Variants in MALRD1 observed in about 807,000 individuals in gnomAD.
The protein encoded by MALRD1 is MAM and LDL-receptor class A domain-containing protein 1.
Under a neutral mutation model 242.1 loss-of-function variants are expected in MALRD1, and 247 were observed. The observed-to-expected ratio is 1.02, with a 90% CI of 0.92 to 1.13. The LOEUF (loss-of-function observed/expected upper bound fraction) is 1.13, where lower values mean the gene tolerates loss of function less well. MALRD1 is among the 50% of genes most tolerant of loss of function. The pLI is 0.00. For synonymous variants in MALRD1, 995 were observed against 866.6 expected, an observed-to-expected ratio of 1.15 and a Z score of -2.60; for missense variants, 2,989 against 2,533.1, an observed-to-expected ratio of 1.18 and a Z score of -3.86.
At chr10:19,699,764 G>C (rs1833538829) in intron 38 of MALRD1, among the ~76,000 whole-genome samples, 1 of 151,948 alleles carries the variant, frequency 6.6e-6, no homozygotes. Flanking sequence ...GAGCAGGAGA[G>C]AGAGAGTAGG....
At chr10:19,616,158 A>G (rs1460937685) in intron 36 of MALRD1, among the ~76,000 whole-genome samples, 1 of 151,998 alleles carries the variant, frequency 6.6e-6, no homozygotes, top group East Asian at 1.9e-4. Flanking sequence ...TTATATGTGT[A>G]ATATATAATT....
intron 29 of MALRD1, among the ~76,000 whole-genome samples, chr10:19,476,778 A>G (rs958941944): frequency 3.9e-5 from 6 of 152,162 alleles, no homozygotes; most frequent in Non-Finnish European, 8.8e-5. Flanking sequence ...CACTCTAATT[A>G]TGTTTTTTAT....
In MALRD1 at chr10:19,512,582, T is replaced by C. The variant is rs897011848; in HGVS notation, c.5320+13936T>C. 1.3e-5 allele frequency among the ~76,000 whole-genome samples: 2 copies of C among 152,202 alleles called. 1 individual carries two copies. Among genetic ancestry groups the C allele is most frequent in the South Asian group, 4.1e-4 (2 of 4,830 alleles). On this transcript the variant is annotated intron_variant, in intron 31 of 39. Transcript: ENST00000454679. ...TATAATAACCTCTTAGTTACTGTCA[T>C]AGCATTGGCTTTCCTATACAGGAAA... is the stretch of plus-strand genomic sequence containing the variant.
intron 24 of MALRD1, among the ~76,000 whole-genome samples, chr10:19,340,015 C>T (rs1484105181): frequency 3.3e-5 from 5 of 152,070 alleles, no homozygotes; most frequent in South Asian, 2.1e-4. Context: ...CCTGAGAACT[C>T]ACTCACTGTC....
intron 21 of MALRD1, among the ~76,000 whole-genome samples, chr10:19,314,996 G>GTT: frequency 7.0e-6 from 1 of 142,524 alleles, no homozygotes; most frequent in Non-Finnish European, 1.5e-5. Context: ...TGTGTGCTTA[G>GTT]TAAATTTATA....
chr10:19,119,616 A>C (rs936771544), intron 5 of MALRD1, among the ~76,000 whole-genome samples: 11 of 152,160 alleles, frequency 7.2e-5, no homozygotes, highest in South Asian at 2.1e-4. Context: ...TTGATCCATC[A>C]AGTGCCGGTT....
At position 19,238,456 on chromosome 10, in the gene MALRD1, A is replaced by T. The variant is rs868278373; in HGVS notation, c.2992-19228A>T. Among the ~76,000 whole-genome samples the T allele has an allele frequency of 6.6e-3, 276 of 42,120 alleles. 3 individuals carry two copies. Among genetic ancestry groups the T allele is most frequent in the African/African-American group, 7.3e-3 (45 of 6,150 alleles). 27.6% of individuals were successfully genotyped at this position (42,120 alleles called of 152,430 possible). On this transcript the variant is annotated intron_variant, in intron 18 of 39. Coordinates refer to ENST00000454679, the MANE Select transcript of MALRD1 (RefSeq NM_001142308.3). ...ATAATATATAATATACATTATATAT[A>T]ATATATAATATAATATATAATATAC...
At chr10:19,279,378 A>G (rs1336563172) in intron 19 of MALRD1, among the ~76,000 whole-genome samples, 1 of 152,184 alleles carries the variant, frequency 6.6e-6, no homozygotes, top group Non-Finnish European at 1.5e-5. Context: ...TCCATGTTCA[A>G]TTTAGTTCAG....
intron 36 of MALRD1, among the ~76,000 whole-genome samples, chr10:19,660,927 A>G (rs1348285493): frequency 2.6e-5 from 4 of 152,128 alleles, no homozygotes; most frequent in Non-Finnish European, 5.9e-5. Context: ...TTCCTAACAC[A>G]CTTAAGAATT....
chr10:19,218,532 G>A (rs1837426006), intron 18 of MALRD1, among the ~76,000 whole-genome samples: 1 of 152,034 alleles, frequency 6.6e-6, no homozygotes, highest in African/African-American at 2.4e-5. Flanking sequence ...AAACATGGTG[G>A]TTTTCATTTC....
intron 2 of MALRD1, among the ~76,000 whole-genome samples, chr10:19,076,901 A>T (rs1027679425): frequency 6.6e-6 from 1 of 151,930 alleles, no homozygotes; most frequent in Non-Finnish European, 1.5e-5. Context: ...TCATCTGAAC[A>T]ATATTAAGTT....
chr10:19,351,982 T>C, intron 25 of MALRD1, 24 bp from the exon 26 acceptor site: 1 of 1,499,140 alleles, frequency 6.7e-7, no homozygotes, highest in Non-Finnish European at 9.1e-7. Flanking sequence ...ATATCGTATG[T>C]AATATTCCTA....
intron 29 of MALRD1, among the ~76,000 whole-genome samples, chr10:19,454,431 T>TATATATATATATATATATAAATAA (rs1011890675): frequency 7.3e-6 from 1 of 136,712 alleles, no homozygotes; most frequent in Non-Finnish European, 1.6e-5. Flanking sequence ...TATATATATA[T>TATATATATATATATATATAAATAA]AATTATATGA....
intron 10 of MALRD1, among the ~76,000 whole-genome samples, chr10:19,141,302 G>A (rs1449725705): frequency 6.6e-6 from 1 of 152,108 alleles, no homozygotes; most frequent in Non-Finnish European, 1.5e-5. Context: ...ATATTGTTTG[G>A]TCCCAGTTAT....
At chr10:19,598,571 A>C (rs758278638) in intron 34 of MALRD1, 5 of 152,020 alleles carry the variant, frequency 3.3e-5, no homozygotes, top group African/African-American at 4.8e-5. Flanking sequence ...GGAGAAGAAC[A>C]TGTTGGGGGA....
intron 14 of MALRD1, among the ~76,000 whole-genome samples, chr10:19,179,207 A>T (rs1034709835): frequency 1.3e-5 from 2 of 152,216 alleles, no homozygotes; most frequent in African/African-American, 4.8e-5. Context: ...AATTGTGGTA[A>T]CCAGGTTCTG....
intron 32 of MALRD1, among the ~76,000 whole-genome samples, chr10:19,556,945 C>G (rs527812807): frequency 2.6e-5 from 4 of 152,032 alleles, no homozygotes; most frequent in Non-Finnish European, 4.4e-5. Flanking sequence ...TCTATATCCT[C>G]GGGAGTGTTT....
chr10:19,718,164 G>A, intron 38 of MALRD1, among the ~76,000 whole-genome samples: 1 of 151,394 alleles, frequency 6.6e-6, no homozygotes, highest in Non-Finnish European at 1.5e-5. Flanking sequence ...AAGAGGAAAA[G>A]AGGAAGAGGA....
chr10:19,417,304 C>A (rs1485774769), intron 28 of MALRD1, among the ~76,000 whole-genome samples: 1 of 152,184 alleles, frequency 6.6e-6, no homozygotes, highest in Non-Finnish European at 1.5e-5. Flanking sequence ...ATAAATTTAG[C>A]ATACCAAATT....
Sources: gnomAD v4.1 joint callset for allele counts (sites outside exome capture counted in the v4.1 genomes callset) on GRCh38, gnomAD v4.1.1 for gene constraint, MANE v1.5 for transcripts, NCBI Gene and HGNC (gene_info 2026-07-23, HGNC 2026-07-21) for gene names.